The following PCNX2 variants were observed in gnomAD, a reference collection of about 807,000 sequenced individuals.
PCNX2 encodes the protein pecanex 2, also known as pecanex-like protein 2.
A neutral mutation model predicts 223.8 loss-of-function variants in PCNX2; 168 were observed. The ratio of observed to expected loss-of-function variants is 0.75; its 90% CI spans 0.66 to 0.85. The LOEUF is 0.85. PCNX2 is among the 40% of genes least tolerant of loss of function. PCNX2 has a pLI of 0.00. For synonymous variants in PCNX2, 1,006 were observed against 1,052.6 expected, an observed-to-expected ratio of 0.96 and a Z score of 0.86; for missense variants, 2,507 against 2,675.5, an observed-to-expected ratio of 0.94 and a Z score of 1.39.
chr1:233,043,484 C>T (rs940026813), intron 25 of PCNX2, among the ~76,000 whole-genome samples: 3 of 151,884 alleles, frequency 2.0e-5, no homozygotes, highest in Admixed American at 1.3e-4. Context: ...TATGCATGTG[C>T]CATGCTGGTG....
At chr1:233,322,720 C>T in the PCNX2 span, among the ~76,000 whole-genome samples, 4 of 152,130 alleles carry the variant, frequency 2.6e-5, no homozygotes, top group East Asian at 1.9e-4. Context: ...ATGAATGAAA[C>T]GGATATAGTT....
At chr1:233,129,906 G>A (rs551590370) in intron 21 of PCNX2, among the ~76,000 whole-genome samples, 1 of 152,294 alleles carries the variant, frequency 6.6e-6, no homozygotes, top group South Asian at 2.1e-4. Context: ...ATCTGCCAGG[G>A]TACTGAGAGC....
chr1:233,223,875 C>T lies in PCNX2; in HGVS notation c.2504+3351G>A, dbSNP rs1207117785. Among the ~76,000 whole-genome samples the T allele has an allele frequency of 2.0e-5, 3 of 152,112 alleles. No individual in the cohort carries two copies. The East Asian group carries it at 5.8e-4, about 29-fold the overall frequency. On this transcript the variant is annotated intron_variant, in intron 10 of 33. Coordinates refer to ENST00000258229, the MANE Select transcript of PCNX2 (RefSeq NM_014801.4). ...TCTTTACTTGTCATATAGCTAGCTA[C>T]CTCTCATTTTATATCTCAGTTTGTG...
intron 23 of PCNX2, among the ~76,000 whole-genome samples, chr1:233,077,932 C>T (rs1673171002): frequency 6.6e-6 from 1 of 152,132 alleles, no homozygotes; most frequent in African/African-American, 2.4e-5. Flanking sequence ...TGACAGAATG[C>T]TTCCAAAGTG....
rs1431116239 is a variant in PCNX2 at position 233,091,590 on chromosome 1, AG to A, written c.3947-1401del. 3.3e-5 allele frequency among the ~76,000 whole-genome samples: 5 copies of A among 152,160 alleles called. No homozygotes were observed. In the East Asian group the frequency reaches 9.7e-4, roughly 29 times the overall value. On this transcript the variant is annotated intron_variant, in intron 22 of 33. Coordinates refer to ENST00000258229, the MANE Select transcript of PCNX2 (RefSeq NM_014801.4). The stretch of plus-strand genomic sequence containing the variant: ...AAAATCAGATTAAAAAAACGTAGCC[AG>A]GCATTGTGGTGCACACCTGCAGTCC...
At chr1:233,180,937 T>C (rs1422479274) in intron 15 of PCNX2, 2 of 152,190 alleles carry the variant, frequency 1.3e-5, no homozygotes, top group Non-Finnish European at 2.9e-5. Context: ...TAAGGTACCA[T>C]GTCTGCATTT....
intron 32 of PCNX2, among the ~76,000 whole-genome samples, chr1:232,989,320 G>A (rs1313914355): frequency 1.3e-5 from 2 of 152,124 alleles, no homozygotes; most frequent in Non-Finnish European, 2.9e-5. Context: ...CAGGCGTGGT[G>A]GCGGGCACCT....
At chr1:233,292,802 T>C (rs1339890878) in intron 1 of PCNX2, among the ~76,000 whole-genome samples, 1 of 152,192 alleles carries the variant, frequency 6.6e-6, no homozygotes, top group Non-Finnish European at 1.5e-5. Context: ...AAAAATAACC[T>C]GTCATGTTTT....
chr1:233,168,832 G>T (rs932895821), intron 17 of PCNX2, among the ~76,000 whole-genome samples: 1 of 152,008 alleles, frequency 6.6e-6, no homozygotes, highest in Non-Finnish European at 1.5e-5. Flanking sequence ...ATGTCTAAGA[G>T]ATTTCATCTT....
At chr1:233,236,741 G>A in intron 9 of PCNX2, 104 bp downstream of exon 9, 1 of 1,491,698 alleles carries the variant, frequency 6.7e-7, no homozygotes, top group East Asian at 2.3e-5. Context: ...GCAAAATTCA[G>A]GGAAAGAGCT....
At chr1:233,196,956 ATGG>A (rs1445276576) in intron 15 of PCNX2, among the ~76,000 whole-genome samples, 1 of 152,154 alleles carries the variant, frequency 6.6e-6, no homozygotes, top group Non-Finnish European at 1.5e-5. Flanking sequence ...CATGATTGTG[ATGG>A]TGGTAACTTG....
At chr1:232,999,450 TTC>T (rs370435379) in intron 30 of PCNX2, 71 bp from the exon 31 acceptor site, 2 of 1,424,724 alleles carry the variant, frequency 1.4e-6, no homozygotes, top group South Asian at 1.5e-5. Context: ...TTTTTTCTTT[TTC>T]TTTTTTTTTT....
intron 3 of PCNX2, 118 bp from the exon 4 acceptor site, chr1:233,261,439 A>C (rs1415845620): frequency 6.8e-6 from 6 of 880,796 alleles, no homozygotes; most frequent in Non-Finnish European, 1.1e-5. Context: ...GGGGAGAGAC[A>C]ATACAGTGTT....
intron 20 of PCNX2, 23 bp from the exon 21 acceptor site, chr1:233,135,213 T>C: frequency 6.2e-7 from 1 of 1,605,002 alleles, no homozygotes; most frequent in Non-Finnish European, 8.5e-7. Flanking sequence ...AAAGAAAAGA[T>C]GCAATCAATG....
chr1:233,059,512 AC>A (rs1672325563), intron 23 of PCNX2, among the ~76,000 whole-genome samples: 1 of 152,122 alleles, frequency 6.6e-6, no homozygotes, highest in African/African-American at 2.4e-5. Context: ...CCAGAATATG[AC>A]CTAGGGAGGC....
At chr1:233,232,152 TTAA>T (rs1464495227) in intron 9 of PCNX2, among the ~76,000 whole-genome samples, 1 of 152,202 alleles carries the variant, frequency 6.6e-6, no homozygotes, top group Non-Finnish European at 1.5e-5. Context: ...GCAGCCAAAA[TTAA>T]TAACAAATCA....
intron 1 of PCNX2, among the ~76,000 whole-genome samples, chr1:233,278,930 C>T (rs1661045863): frequency 6.6e-6 from 1 of 152,146 alleles, no homozygotes; most frequent in Non-Finnish European, 1.5e-5. Flanking sequence ...ACATACTTGG[C>T]CAGCATCTAT....
chr1:232,995,338 T>C (rs1360866773), intron 32 of PCNX2, among the ~76,000 whole-genome samples: 1 of 152,024 alleles, frequency 6.6e-6, no homozygotes, highest in Admixed American at 6.6e-5. Flanking sequence ...AGGCATGTGG[T>C]GTGTGGGGTA....
intron 21 of PCNX2, among the ~76,000 whole-genome samples, chr1:233,118,415 A>T (rs1364925583): frequency 6.6e-6 from 1 of 151,142 alleles, no homozygotes; most frequent in Non-Finnish European, 1.5e-5. Context: ...ATGTAAGCAG[A>T]TCAGAAAGGA....
Sources: allele counts gnomAD v4.1 joint callset (sites outside exome capture counted in the v4.1 genomes callset), GRCh38; gene constraint gnomAD v4.1.1; transcripts MANE v1.5; gene names NCBI Gene and HGNC (gene_info 2026-07-23, HGNC 2026-07-21).